Variants in PTER observed in about 807,000 individuals in gnomAD.
PTER encodes N-acetyltaurine hydrolase.
A neutral mutation model predicts 29.6 loss-of-function variants in PTER; 38 were observed. The ratio of observed to expected loss-of-function variants is 1.28; its 90% CI spans 0.99 to 1.68. The LOEUF is 1.68. PTER is among the 40% of genes most tolerant of loss of function. PTER has a pLI of 0.00. For missense variants in PTER, 482 were observed against 427.8 expected, an observed-to-expected ratio of 1.13 and a Z score of -1.12; for synonymous variants, 172 against 154.5, an observed-to-expected ratio of 1.11 and a Z score of -0.84.
intron 1 of PTER, among the ~76,000 whole-genome samples, chr10:16,481,062 C>T (rs555037535): frequency 1.3e-5 from 2 of 152,284 alleles, no homozygotes; most frequent in East Asian, 3.9e-4. Flanking sequence ...AAATGTTGTT[C>T]CCCTTGGCTA....
chr10:16,496,381 T>A (rs533544947), intron 3 of PTER, among the ~76,000 whole-genome samples: 6 of 152,286 alleles, frequency 3.9e-5, no homozygotes, highest in African/African-American at 1.4e-4. Flanking sequence ...CTCTCGTTAT[T>A]CCCAGTATGC....
At chr10:16,494,719 G>T (rs2133474683) in intron 3 of PTER, among the ~76,000 whole-genome samples, 1 of 152,076 alleles carries the variant, frequency 6.6e-6, no homozygotes, top group South Asian at 2.1e-4. Context: ...TTAATCATAG[G>T]CAATATTTAG....
intron 1 of PTER, among the ~76,000 whole-genome samples, chr10:16,445,377 A>C (rs1037391701): frequency 6.6e-6 from 1 of 152,206 alleles, no homozygotes; most frequent in African/African-American, 2.4e-5. Flanking sequence ...GTGCCACTGC[A>C]CTCTAGCCTG....
chr10:16,453,084 G>T (rs1834272644), intron 1 of PTER, among the ~76,000 whole-genome samples: 1 of 151,902 alleles, frequency 6.6e-6, no homozygotes. Context: ...TAGAGATGGG[G>T]TCTCAATATG....
At chr10:16,507,264 T>G (rs910093438) in intron 4 of PTER, among the ~76,000 whole-genome samples, 1 of 151,366 alleles carries the variant, frequency 6.6e-6, no homozygotes, top group Non-Finnish European at 1.5e-5. Flanking sequence ...TATATATATG[T>G]GTGTGTGTAT....
chr10:16,486,543 A>G lies in PTER; in HGVS notation c.624A>G (p.Ala208=), dbSNP rs779832851. 1.1e-5 allele frequency: 18 copies of G among 1,614,014 alleles called. No homozygotes were observed. In the Admixed American group the frequency reaches 3.0e-4, roughly 27 times the overall value. Residue 208 remains alanine (A), a synonymous_variant, in exon 3 of 5, where the codon GCA becomes GCG. Coordinates refer to ENST00000535784, the MANE Select transcript of PTER (RefSeq NM_001261836.2). ...TCCATCCTGGACGGAGCTCCAGGGC[A>G]CCATTTCAGATTATCCGAATATTGC... is the stretch of plus-strand genomic sequence containing the variant. ...VIIHPGRSSR[A]PFQIIRILQE...
At chr10:16,440,043 A>C (rs1343640888) in intron 1 of PTER, among the ~76,000 whole-genome samples, 1 of 148,824 alleles carries the variant, frequency 6.7e-6, no homozygotes, top group African/African-American at 2.5e-5. Flanking sequence ...GTGTATTTTC[A>C]GTGGTCCAGG....
intron 1 of PTER, among the ~76,000 whole-genome samples, chr10:16,450,458 G>A (rs1834164102): frequency 6.6e-6 from 1 of 152,180 alleles, no homozygotes; most frequent in African/African-American, 2.4e-5. Flanking sequence ...GAGTTTATAA[G>A]CTCGGTGTCC....
At chr10:16,439,945 T>C (rs1328085353) in intron 1 of PTER, among the ~76,000 whole-genome samples, 1 of 152,196 alleles carries the variant, frequency 6.6e-6, no homozygotes, top group Non-Finnish European at 1.5e-5. Flanking sequence ...CTGCTCAGTA[T>C]CCCTATGAAC....
At chr10:16,488,913 T>C (rs1268471408) in intron 3 of PTER, among the ~76,000 whole-genome samples, 2 of 152,234 alleles carry the variant, frequency 1.3e-5, no homozygotes, top group Non-Finnish European at 2.9e-5. Flanking sequence ...CATAAATTTC[T>C]TTTAATTGCG....
At chr10:16,502,649 C>A (rs112890955) in intron 3 of PTER, among the ~76,000 whole-genome samples, 1 of 151,974 alleles carries the variant, frequency 6.6e-6, no homozygotes, top group Middle Eastern at 3.2e-3. Context: ...AGAAACTTCC[C>A]GCACCCGTGG....
In PTER at chr10:16,492,022, C is replaced by T. The variant is rs147423905; in HGVS notation, c.698+5405C>T. On this transcript the variant is annotated intron_variant, in intron 3 of 4. Coordinates refer to ENST00000535784, the MANE Select transcript of PTER (RefSeq NM_001261836.2). ...GCTATCCAAAAGGGGCATTTGGGACCCTGAGAGGGAAGAGTTAATGAATGG... is the reference window on the plus strand; with the variant it reads ...GCTATCCAAAAGGGGCATTTGGGACTCTGAGAGGGAAGAGTTAATGAATGG... Among the ~76,000 whole-genome samples the T allele has an allele frequency of 1.6e-3, 245 of 152,152 alleles. 4 individuals are homozygous for T. The East Asian group carries it at 0.044, about 27-fold the overall frequency.
At chr10:16,515,359 T>A (rs1001263749), downstream of PTER, among the ~76,000 whole-genome samples, 1 of 152,160 alleles carries the variant, frequency 6.6e-6, no homozygotes, top group Non-Finnish European at 1.5e-5. Flanking sequence ...GTTTTCAGAG[T>A]TCTTTTTTCC....
downstream of PTER, among the ~76,000 whole-genome samples, chr10:16,518,632 G>A (rs1047340035): frequency 6.6e-6 from 1 of 152,148 alleles, no homozygotes; most frequent in Non-Finnish European, 1.5e-5. Flanking sequence ...TAATTTAAAT[G>A]TATTAATCCC....
chr10:16,507,435 T>C (rs1410287620), intron 4 of PTER, among the ~76,000 whole-genome samples: 2 of 152,202 alleles, frequency 1.3e-5, no homozygotes, highest in East Asian at 3.9e-4. Flanking sequence ...GCCGTGGAAG[T>C]AGCAAAGCTG....
At chr10:16,438,041 C>A (rs1833713335) in intron 1 of PTER, among the ~76,000 whole-genome samples, 1 of 151,998 alleles carries the variant, frequency 6.6e-6, no homozygotes, top group African/African-American at 2.4e-5. Flanking sequence ...AGAGTCTCGC[C>A]CTTGCCCAGG....
At chr10:16,517,397 G>C (rs1836967626), downstream of PTER, among the ~76,000 whole-genome samples, 1 of 152,138 alleles carries the variant, frequency 6.6e-6, no homozygotes, top group African/African-American at 2.4e-5. Context: ...AAATTTTTAA[G>C]AGTACCAACT....
chr10:16,479,172 C>T (rs1835388263), intron 1 of PTER, among the ~76,000 whole-genome samples: 1 of 151,998 alleles, frequency 6.6e-6, no homozygotes, highest in South Asian at 2.1e-4. Flanking sequence ...AGCAGTTTTG[C>T]TTTATTTATG....
intron 1 of PTER, among the ~76,000 whole-genome samples, chr10:16,481,378 C>T (rs1209291849): frequency 1.3e-5 from 2 of 152,178 alleles, no homozygotes; most frequent in African/African-American, 4.8e-5. Flanking sequence ...CATGAATAAC[C>T]TCTTGCCTGT....
Sources: allele counts gnomAD v4.1 joint callset (sites outside exome capture counted in the v4.1 genomes callset), GRCh38; gene constraint gnomAD v4.1.1; transcripts MANE v1.5; gene names NCBI Gene and HGNC (gene_info 2026-07-23, HGNC 2026-07-21).